RYR3: variants seen among roughly 807,000 people sequenced by gnomAD.
The protein encoded by RYR3 is ryanodine receptor 3.
Under a neutral mutation model 584.3 loss-of-function variants are expected in RYR3, and 207 were observed. That is an observed-to-expected ratio of 0.35 (90% CI 0.32 to 0.40). The LOEUF (loss-of-function observed/expected upper bound fraction) is 0.40. Ranked by LOEUF, RYR3 falls within the 10% of genes least tolerant of loss-of-function variation. RYR3 has a pLI of 1.00. For synonymous variants in RYR3, 2,416 were observed against 2,248.5 expected (o/e 1.07, Z -2.11); for missense variants, 5,616 against 6,089.2 (o/e 0.92, Z 2.59).
At position 33,821,178 on chromosome 15, in the gene RYR3, G is replaced by A. The variant is rs181569689; in HGVS notation, c.10816-92G>A. 146 of 972,898 alleles carry A rather than the reference G, an allele frequency of 1.5e-4. No individual in the cohort carries two copies. In the African/African-American group the frequency reaches 1.8e-3, roughly 12 times the overall value. 60.3% of individuals were successfully genotyped at this position (972,898 alleles called of 1,614,324 possible). Reference sequence around the variant, plus strand: ...AGTTGATGTGTGTTACCTTCCTTAGGTAACTGGAAAATTCTCTCTCACCTC... The same window carrying A: ...AGTTGATGTGTGTTACCTTCCTTAGATAACTGGAAAATTCTCTCTCACCTC... On this transcript the variant is annotated intron_variant, in intron 78 of 103. Transcript: ENST00000634891.
chr15:33,747,106 C>T lies in RYR3; in HGVS notation c.7989+949C>T, dbSNP rs542774855. 1.6e-4 allele frequency among the ~76,000 whole-genome samples: 25 copies of T among 152,174 alleles called. 1 individual carries two copies. The highest frequency in any genetic ancestry group is 1.6e-3 in the Admixed American group (25 of 15,292). On this transcript the variant is annotated intron_variant, in intron 53 of 103. Coordinates refer to ENST00000634891, the MANE Select transcript of RYR3 (RefSeq NM_001036.6). Reference sequence around the variant, plus strand: ...AATTACAGGTGTGAACTACCATGCCCAGCCAAAAATGATTTCTAATACATG... The same window carrying T: ...AATTACAGGTGTGAACTACCATGCCTAGCCAAAAATGATTTCTAATACATG...
rs539794156 is a variant in RYR3 at position 33,755,491 on chromosome 15, G to A, written c.8515+311G>A. ...AAAAAAATTAGCTGAGTGTGGTGGT[G>A]CACGCCTGTAGTCCCAGCTACTTGG... On this transcript the variant is annotated intron_variant, in intron 58 of 103. Transcript: ENST00000634891. Among the ~76,000 whole-genome samples, 9 of 152,220 alleles carry A rather than the reference G, an allele frequency of 5.9e-5. No individual in the cohort carries two copies. In the South Asian group the frequency reaches 1.2e-3, roughly 21 times the overall value.
chr15:33,772,384 C>T (rs568039754), intron 63 of RYR3, among the ~76,000 whole-genome samples: 12 of 152,282 alleles, frequency 7.9e-5, no homozygotes, highest in African/African-American at 2.6e-4. Context: ...TCTTTTTCCA[C>T]TTTTGTTCTG....
chr15:33,340,055 C>T (rs910464255), intron 1 of RYR3, among the ~76,000 whole-genome samples: 1 of 152,178 alleles, frequency 6.6e-6, no homozygotes, highest in Non-Finnish European at 1.5e-5. Flanking sequence ...GGCCACTGCC[C>T]TTCCTACAGA....
intron 3 of RYR3, among the ~76,000 whole-genome samples, chr15:33,506,985 A>C (rs1442681717): frequency 6.6e-6 from 1 of 152,198 alleles, no homozygotes; most frequent in Non-Finnish European, 1.5e-5. Flanking sequence ...ATGCCACTCC[A>C]TTCTGTTTGG....
At chr15:33,338,879 T>TAAA in intron 1 of RYR3, among the ~76,000 whole-genome samples, 10 of 152,262 alleles carry the variant, frequency 6.6e-5, no homozygotes, top group Admixed American at 2.0e-4. Flanking sequence ...CGTTTCCTCT[T>TAAA]AAAAACAAGC....
At position 33,367,385 on chromosome 15, in the gene RYR3, ACT is replaced by A. The variant is rs557789896; in HGVS notation, c.51+56292_51+56293del. ...CCCATTTTCTCCTGGATAATCTTTG[ACT>A]CTGCTGTAGTGTTCAGAGTTTTAAA... is the stretch of plus-strand genomic sequence containing the variant. On this transcript the variant is annotated intron_variant, in intron 1 of 103. Transcript: ENST00000634891. Among the ~76,000 whole-genome samples the A allele has an allele frequency of 1.3e-4, 19 of 151,908 alleles. No individual in the cohort carries two copies. In the East Asian group the frequency reaches 3.7e-3, roughly 29 times the overall value.
rs143624264 is a variant in RYR3 at position 33,704,121 on chromosome 15, A to G, written c.6484-2798A>G. On this transcript the variant is annotated intron_variant, in intron 42 of 103. Transcript: ENST00000634891. ...CCCATCTCTACTAAAAAGAAATACAAAAGTTAGCCAGGCATGGTGGTTGGT... is the reference window on the plus strand; with the variant it reads ...CCCATCTCTACTAAAAAGAAATACAGAAGTTAGCCAGGCATGGTGGTTGGT... Among the ~76,000 whole-genome samples, 26 of 152,052 alleles carry G rather than the reference A, an allele frequency of 1.7e-4. No homozygotes were observed. The Middle Eastern group carries it at 0.01, about 60-fold the overall frequency.
intron 1 of RYR3, among the ~76,000 whole-genome samples, chr15:33,388,412 T>G (rs2041773839): frequency 6.6e-6 from 1 of 152,102 alleles, no homozygotes; most frequent in African/African-American, 2.4e-5. Flanking sequence ...ACAGCTGAAT[T>G]TTACTGACAA....
chr15:33,796,999 C>T (rs1199290139), intron 67 of RYR3, among the ~76,000 whole-genome samples: 1 of 152,162 alleles, frequency 6.6e-6, no homozygotes, highest in East Asian at 1.9e-4. Context: ...AATGAGACAA[C>T]TCAGAAACAG....
chr15:33,672,696 T>G (rs555049920), intron 38 of RYR3, among the ~76,000 whole-genome samples: 8 of 152,344 alleles, frequency 5.3e-5, no homozygotes, highest in Non-Finnish European at 1.5e-5. Context: ...TCCTTTAAAT[T>G]ATTGGTAATT....
At chr15:33,508,161 G>T (rs1279135836) in intron 3 of RYR3, among the ~76,000 whole-genome samples, 1 of 152,082 alleles carries the variant, frequency 6.6e-6, no homozygotes, top group African/African-American at 2.4e-5. Flanking sequence ...CTTCATCAAT[G>T]TCAGATCTTT....
intron 49 of RYR3, among the ~76,000 whole-genome samples, chr15:33,737,945 A>C (rs964580532): frequency 1.3e-5 from 2 of 152,022 alleles, no homozygotes; most frequent in Non-Finnish European, 2.9e-5. Context: ...GGGGAGAGGG[A>C]GCGGGCACGG....
intron 65 of RYR3, among the ~76,000 whole-genome samples, chr15:33,782,206 AT>A (rs1345573506): frequency 6.6e-6 from 1 of 152,176 alleles, no homozygotes. Flanking sequence ...GCAGGGTGAA[AT>A]GAGGATGTGA....
At chr15:33,358,744 G>A (rs908320872) in intron 1 of RYR3, among the ~76,000 whole-genome samples, 10 of 151,740 alleles carry the variant, frequency 6.6e-5, no homozygotes, top group Admixed American at 2.0e-4. Flanking sequence ...GCGCCTTAGC[G>A]GTAGTTAAAT....
chr15:33,610,850 A>G (rs1345292198), intron 18 of RYR3, among the ~76,000 whole-genome samples: 1 of 152,224 alleles, frequency 6.6e-6, no homozygotes, highest in Non-Finnish European at 1.5e-5. Flanking sequence ...AATTTTGTGC[A>G]TGAAACAAAA....
chr15:33,788,397 G>A lies in RYR3; in HGVS notation c.9769G>A (p.Val3257Ile), dbSNP rs1680570087. The change falls in exon 67 of 104, where the codon GTC becomes ATC. Residue 3257 changes from valine (V) to isoleucine (I), a missense_variant. By Grantham distance (29) the Val-to-Ile change is conservative (BLOSUM62 3). Around this residue, in one of 9 missense-constraint regions of RYR3, gnomAD observed 954 missense variants for 1,132.2 expected, o/e 0.84. Coordinates refer to ENST00000634891, the MANE Select transcript of RYR3 (RefSeq NM_001036.6). The part of the protein sequence containing the change: ...AELLILDEFA[V>I]LCRDLYAFYP... ...ACTCCTCATCCTGGACGAGTTCGCGGTCCTCTGCAGAGATCTCTATGCCTT... is the reference window on the plus strand; with the variant it reads ...ACTCCTCATCCTGGACGAGTTCGCGATCCTCTGCAGAGATCTCTATGCCTT... 2.5e-6 allele frequency: 4 copies of A among 1,613,840 alleles called. No individual in the cohort carries two copies. Among genetic ancestry groups the A allele is most frequent in the Non-Finnish European group, 3.4e-6 (4 of 1,179,862 alleles).
chr15:33,743,468 G>C (rs74005980), intron 52 of RYR3, among the ~76,000 whole-genome samples: 6,572 of 152,270 alleles, frequency 0.043, 381 homozygotes, highest in African/African-American at 0.13. Context: ...GTGGGTGCCT[G>C]TGTTCCAATC....
At chr15:33,341,476 A>T (rs1351589667) in intron 1 of RYR3, among the ~76,000 whole-genome samples, 1 of 152,164 alleles carries the variant, frequency 6.6e-6, no homozygotes, top group African/African-American at 2.4e-5. Flanking sequence ...TCTAATATTA[A>T]ATTTATTGGA....
Sources: gnomAD v4.1 joint callset for allele counts (sites outside exome capture counted in the v4.1 genomes callset) on GRCh38, gnomAD v4.1.1 for gene constraint, gnomAD v4.1.1 regional missense constraint, MANE v1.5 for transcripts, NCBI Gene and HGNC (gene_info 2026-07-23, HGNC 2026-07-21) for gene names.